SRCAP: variants seen among roughly 807,000 people sequenced by gnomAD.
SRCAP encodes the protein Snf2 related CREBBP activator protein.
SRCAP carries 46 observed loss-of-function variants against 263.1 expected under a neutral mutation model. That is an observed-to-expected ratio of 0.17 (90% CI 0.14 to 0.22). SRCAP has a LOEUF of 0.22. Ranked by LOEUF, SRCAP falls within the 10% of genes least tolerant of loss-of-function variation. The pLI, the probability that SRCAP is intolerant of heterozygous loss-of-function variation, is 1.00. For missense variants in SRCAP, 3,695 were observed against 4,181.9 expected, an observed-to-expected ratio of 0.88 and a Z score of 3.21; for synonymous variants, 1,813 against 1,662.1, an observed-to-expected ratio of 1.09 and a Z score of -2.21.
In SRCAP at chr16:30,739,610, T is replaced by C; in HGVS notation, c.9570T>C (p.Arg3190=). ...EEEGDGTPRR[R]PGPRRLVGTT... ...AAGGGGATGGGACCCCACGCCGACGTCCTGGCCCCCGCCGGCTTGTTGGGA... is the reference window on the plus strand; with the variant it reads ...AAGGGGATGGGACCCCACGCCGACGCCCTGGCCCCCGCCGGCTTGTTGGGA... Residue 3190 remains arginine (R), a synonymous_variant, in exon 34 of 34, where the codon CGT becomes CGC. Coordinates refer to ENST00000262518, the MANE Select transcript of SRCAP (RefSeq NM_006662.3). 1 of 1,594,052 alleles carries C rather than the reference T, an allele frequency of 6.3e-7. No individual in the cohort carries two copies. The highest frequency in any genetic ancestry group is 8.5e-7 in the Non-Finnish European group (1 of 1,171,188).
In SRCAP at chr16:30,733,578, A is replaced by G. The variant is rs760820068; in HGVS notation, c.6298-24A>G. The G allele has an allele frequency of 3.7e-6, 6 of 1,605,750 alleles. No homozygotes were observed. In the South Asian group the frequency reaches 4.4e-5, roughly 12 times the overall value. On this transcript the variant is annotated intron_variant, in intron 28 of 33. Transcript: ENST00000262518. This position sits in a 1 kb window ranked among gnomAD's most constrained non-coding sequence, Gnocchi z 5.3. The stretch of plus-strand genomic sequence containing the variant: ...TTTGGGGGATAAGTCTCCCAGTATC[A>G]TCTTTTTTTCCCTTTCCTTCTAGGC...
intron 13 of SRCAP, 52 bp downstream of exon 13, chr16:30,712,491 G>A (rs1023146498): frequency 1.2e-5 from 18 of 1,533,114 alleles, no homozygotes; most frequent in African/African-American, 8.3e-5. Flanking sequence ...CTCCCTGGGA[G>A]CTTGTTCAGT....
Position 30,700,658 on chromosome 16 carries a change from C to T in SRCAP, c.-167C>T, listed in dbSNP as rs1386630683. ...GGACCTGAGCGGAGGCTGGGACGCC[C>T]TGGTGGGCCCCGGGCCCTGGAAGGC... On this transcript the variant is annotated 5_prime_UTR_variant, in exon 3 of 34. Transcript: ENST00000262518. The T allele has an allele frequency of 1.5e-5, 8 of 535,534 alleles. No homozygotes were observed. The highest frequency in any genetic ancestry group is 5.8e-5 in the African/African-American group (3 of 52,056). 33.2% of individuals were successfully genotyped at this position (535,534 alleles called of 1,614,324 possible).
intron 17 of SRCAP, 43 bp from the exon 18 acceptor site, chr16:30,716,250 G>A (rs772877245): frequency 1.2e-6 from 2 of 1,613,374 alleles, no homozygotes; most frequent in African/African-American, 1.3e-5. Context: ...TTGGAGTGTA[G>A]GTGGCTGTTA....
intron 4 of SRCAP, 125 bp downstream of exon 4, chr16:30,704,440 T>C (rs1218500085): frequency 3.2e-6 from 4 of 1,238,758 alleles, no homozygotes; most frequent in African/African-American, 3.0e-5. Context: ...TCTGCCTTAA[T>C]GTATATGATC....
chr16:30,740,160 C>T lies in SRCAP; in HGVS notation c.*427C>T, dbSNP rs1261221121. ...GTAAGGAGGCTTCTGATTTTCTGGT[C>T]TGGTGGAGGGTTGGGTGGGAACTTG... is the stretch of plus-strand genomic sequence containing the variant. On this transcript the variant is annotated 3_prime_UTR_variant, in exon 34 of 34. Coordinates refer to ENST00000262518, the MANE Select transcript of SRCAP (RefSeq NM_006662.3). 6.6e-6 allele frequency: 1 copy of T among 150,716 alleles called. No homozygotes were observed. Among genetic ancestry groups the T allele is most frequent in the Non-Finnish European group, 1.5e-5 (1 of 68,310 alleles). 9.3% of individuals were successfully genotyped at this position (150,716 alleles called of 1,614,324 possible).
chr16:30,740,414 C>T lies in SRCAP; in HGVS notation c.*681C>T, dbSNP rs1442964937. ...CTCGGAGCTCTTTGATGCCTCAGACCTTTCCCTTTTATCCCTCTTGCTCAG... is the reference window on the plus strand; with the variant it reads ...CTCGGAGCTCTTTGATGCCTCAGACTTTTCCCTTTTATCCCTCTTGCTCAG... On this transcript the variant is annotated 3_prime_UTR_variant, in exon 34 of 34. Transcript: ENST00000262518. 6.6e-6 allele frequency: 1 copy of T among 152,274 alleles called. No homozygotes were observed. Among genetic ancestry groups the T allele is most frequent in the Non-Finnish European group, 1.5e-5 (1 of 68,096 alleles). 9.4% of individuals were successfully genotyped at this position (152,274 alleles called of 1,614,324 possible). A position where few individuals can be genotyped will look rare whatever the true frequency, so the allele number is the denominator to read the frequency against.
rs761684460 is a variant in SRCAP, at chr16:30,700,869, A to G, written c.45A>G (p.Leu15=). ...CTGCTCACCCTCAGCTCCCAGTCCT[A>G]CAGACACAGGTTTGAAAGTGGGAAG... The part of the protein sequence containing the change: ...PSPAHPQLPV[L]QTQMVSDGMT... The change falls in exon 3 of 34, where the codon CTA becomes CTG. Residue 15 remains leucine (L), a synonymous_variant. Coordinates refer to ENST00000262518, the MANE Select transcript of SRCAP (RefSeq NM_006662.3). 8 of 1,614,072 alleles carry G rather than the reference A, an allele frequency of 5.0e-6. No homozygotes were observed. The East Asian group carries it at 1.6e-4, about 31-fold the overall frequency.
At chr16:30,721,895 G>C (rs990823393) in intron 21 of SRCAP, among the ~76,000 whole-genome samples, 2 of 152,196 alleles carry the variant, frequency 1.3e-5, no homozygotes, top group Non-Finnish European at 2.9e-5. Flanking sequence ...GGCAGGCCAT[G>C]TTAGAGGATA....
intron 18 of SRCAP, among the ~76,000 whole-genome samples, chr16:30,718,857 G>A (rs1196675100): frequency 1.3e-5 from 2 of 150,282 alleles, no homozygotes; most frequent in Non-Finnish European, 3.0e-5. Context: ...ATAAATCATT[G>A]TAAAATTGGC....
rs56209507 is a variant in SRCAP, at chr16:30,703,955, A to G, written c.55-109A>G. ...TTGTGTTTATGAAAATAAGGTTTAT[A>G]CCTTACTCTACACAGTTTTTTCTTG... On this transcript the variant is annotated intron_variant, in intron 3 of 33. Transcript: ENST00000262518. 3.8e-6 allele frequency: 5 copies of G among 1,322,476 alleles called. No homozygotes were observed. The African/African-American group carries it at 5.9e-5, about 16-fold the overall frequency. 81.9% of individuals were successfully genotyped at this position (1,322,476 alleles called of 1,614,324 possible). A position where few individuals can be genotyped will look rare whatever the true frequency, so the allele number is the denominator to read the frequency against.
Position 30,738,926 on chromosome 16 carries a change from C to T in SRCAP, c.8886C>T (p.Ser2962=), listed in dbSNP as rs185172515. 5.5e-5 allele frequency: 88 copies of T among 1,614,104 alleles called. 1 individual carries two copies. In the East Asian group the frequency reaches 9.4e-4, roughly 17 times the overall value. Residue 2962 remains serine, a synonymous_variant, in exon 34 of 34, where the codon TCC becomes TCT. Transcript: ENST00000262518. ...GTISSAGDGN[S]ESRTQPPPHP... The stretch of plus-strand genomic sequence containing the variant: ...TTTCCTCTGCAGGGGATGGCAACTC[C>T]GAAAGTCGGACACAGCCACCCCCAC...
intron 31 of SRCAP, among the ~76,000 whole-genome samples, chr16:30,735,653 T>C (rs1211456613): frequency 1.5e-5 from 2 of 134,540 alleles, no homozygotes; most frequent in African/African-American, 5.6e-5. Flanking sequence ...CGATCTCGGC[T>C]CACTACAGCC....
rs559895228 is a variant in SRCAP at position 30,716,386 on chromosome 16, C to G, written c.2724C>G (p.Asp908Glu). 1 of 1,614,208 alleles carries G rather than the reference C, an allele frequency of 6.2e-7. No individual in the cohort carries two copies. The highest frequency in any genetic ancestry group is 2.2e-5 in the East Asian group (1 of 44,890). The change falls in exon 18 of 34, where the codon GAC (aspartate) becomes GAG (glutamate). Residue 908 changes from aspartate (D) to glutamate (E), a missense_variant. By Grantham distance (45) the Asp-to-Glu change is conservative. Coordinates refer to ENST00000262518, the MANE Select transcript of SRCAP (RefSeq NM_006662.3). ...TTTGCAATCATCCAAATCTGTTCGA[C>G]CCTCGACCGGTTACCTCCCCTTTCA... is the stretch of plus-strand genomic sequence containing the variant. Reference protein sequence around the residue: ...RKVCNHPNLFDPRPVTSPFIT... With the variant: ...RKVCNHPNLFEPRPVTSPFIT...
chr16:30,729,466 G>A lies in SRCAP; in HGVS notation c.6021G>A (p.Gln2007=), dbSNP rs1484524213. The part of the protein sequence containing the change: ...PWLAPRQAAF[Q]EQLASELWPR... ...TGGCCCCACGTCAGGCAGCCTTCCA[G>A]GAGCAATTGGCCTCTGAGCTCTGGC... The change falls in exon 27 of 34, where the codon CAG becomes CAA. Residue 2007 remains glutamine (Q), a synonymous_variant. Transcript: ENST00000262518. The A allele has an allele frequency of 6.2e-7, 1 of 1,614,200 alleles. No homozygotes were observed.
rs748041139 is a variant in SRCAP at position 30,737,717 on chromosome 16, A to G, written c.7677A>G (p.Ala2559=). The change falls in exon 34 of 34, where the codon GCA becomes GCG. Residue 2559 remains alanine, a synonymous_variant. Coordinates refer to ENST00000262518, the MANE Select transcript of SRCAP (RefSeq NM_006662.3). The part of the protein sequence containing the change: ...PEAELCAQAL[A]SPESLELASV... Reference sequence around the variant, plus strand: ...CAGAGCTGTGTGCCCAGGCATTGGCATCTCCAGAGTCCCTGGAGCTGGCTT... The same window carrying G: ...CAGAGCTGTGTGCCCAGGCATTGGCGTCTCCAGAGTCCCTGGAGCTGGCTT... 4 of 1,614,064 alleles carry G rather than the reference A, an allele frequency of 2.5e-6. No homozygotes were observed. The highest frequency in any genetic ancestry group is 2.2e-5 in the South Asian group (2 of 91,084).
rs776653032 is a variant in SRCAP, at chr16:30,738,590, C to A, written c.8550C>A (p.Ala2850=). 6.2e-7 allele frequency: 1 copy of A among 1,605,422 alleles called. No homozygotes were observed. Among genetic ancestry groups the A allele is most frequent in the East Asian group, 2.2e-5 (1 of 44,796 alleles). ...AGAATGGAGACGGAGCACTGCTCGC[C>A]ATCACCCCACCTGCTGTGAAACGTC... ...SPENGDGALL[A]ITPPAVKRRR... is the part of the protein sequence containing the mutation. The change falls in exon 34 of 34, where the codon GCC becomes GCA. Residue 2850 remains alanine (A), a synonymous_variant. Transcript: ENST00000262518.
rs559174853 is a variant in SRCAP at position 30,741,012 on chromosome 16, A to G, written c.*1279A>G. 1.3e-5 allele frequency: 2 copies of G among 152,210 alleles called. No homozygotes were observed. Among genetic ancestry groups the G allele is most frequent in the Non-Finnish European group, 2.9e-5 (2 of 68,070 alleles). 9.4% of individuals were successfully genotyped at this position (152,210 alleles called of 1,614,324 possible). ...AGAGGACCTGAGAAGTAGGGAGACAAGAAATGATTAAGTAGGGCATCATTT... is the reference window on the plus strand; with the variant it reads ...AGAGGACCTGAGAAGTAGGGAGACAGGAAATGATTAAGTAGGGCATCATTT... On this transcript the variant is annotated 3_prime_UTR_variant, in exon 34 of 34. Coordinates refer to ENST00000262518, the MANE Select transcript of SRCAP (RefSeq NM_006662.3).
chr16:30,703,882 G>C (rs1483154907), intron 3 of SRCAP, among the ~76,000 whole-genome samples, 182 bp from the exon 4 acceptor site: 1 of 148,344 alleles, frequency 6.7e-6, no homozygotes, highest in Non-Finnish European at 1.5e-5. Flanking sequence ...GGGCGACAGA[G>C]CGAGACTCCA....
Sources: gnomAD v4.1 joint callset for allele counts (sites outside exome capture counted in the v4.1 genomes callset) on GRCh38, gnomAD v4.1.1 for gene constraint, Gnocchi (gnomAD v3.1) non-coding constraint, MANE v1.5 for transcripts, NCBI Gene and HGNC (gene_info 2026-07-23, HGNC 2026-07-21) for gene names.